CNTNAP2: variants seen among roughly 807,000 people sequenced by gnomAD.
The protein encoded by CNTNAP2 is contactin associated protein 2, also known as contactin-associated protein-like 2.
A neutral mutation model predicts 155.2 loss-of-function variants in CNTNAP2; 98 were observed. The observed-to-expected ratio is 0.63, with a 90% CI of 0.54 to 0.75. The LOEUF (loss-of-function observed/expected upper bound fraction) is 0.75, where lower values mean the gene tolerates loss of function less well. CNTNAP2 is among the 30% of genes least tolerant of loss of function. The probability of loss-of-function intolerance (pLI) is 0.00; values close to 1 mark genes in which losing one functional copy is unlikely to be tolerated. For missense variants in CNTNAP2, 1,727 were observed against 1,688.1 expected, an observed-to-expected ratio of 1.02 and a Z score of -0.40; for synonymous variants, 651 against 631.2, an observed-to-expected ratio of 1.03 and a Z score of -0.47.
intron 8 of CNTNAP2, among the ~76,000 whole-genome samples, chr7:147,143,106 A>G (rs1423207565): frequency 2.0e-5 from 3 of 152,208 alleles, no homozygotes; most frequent in East Asian, 1.9e-4. Flanking sequence ...CTCATGTGTC[A>G]GGAAATAGGT....
In CNTNAP2 at chr7:147,056,293, C is replaced by T. The variant is rs13241041; in HGVS notation, c.550+12239C>T. ...TGCTCTTTTAAACTTGCTGTGTTGG[C>T]TGTATTTGTGTATCATAAATATAAA... On this transcript the variant is annotated intron_variant, in intron 4 of 23. Coordinates refer to ENST00000361727, the MANE Select transcript of CNTNAP2 (RefSeq NM_014141.6). 7.4e-3 allele frequency among the ~76,000 whole-genome samples: 1,121 copies of T among 152,112 alleles called. 12 individuals are homozygous for T. The highest frequency in any genetic ancestry group is 7.4e-3 in the Non-Finnish European group (501 of 68,010).
intron 10 of CNTNAP2, among the ~76,000 whole-genome samples, chr7:147,411,969 A>C (rs1178034821): frequency 6.6e-6 from 1 of 152,192 alleles, no homozygotes; most frequent in African/African-American, 2.4e-5. Context: ...TATTCAAACC[A>C]TATATTTTAT....
At chr7:148,347,773 A>G (rs1295449625) in intron 21 of CNTNAP2, among the ~76,000 whole-genome samples, 3 of 152,228 alleles carry the variant, frequency 2.0e-5, no homozygotes, top group Non-Finnish European at 4.4e-5. Flanking sequence ...AGCACTGGAA[A>G]CAAACATGTC....
intron 1 of CNTNAP2, among the ~76,000 whole-genome samples, chr7:146,524,021 C>T (rs989084099): frequency 1.3e-5 from 2 of 152,056 alleles, no homozygotes; most frequent in African/African-American, 4.8e-5. Flanking sequence ...AGCTAAATTC[C>T]AGATGGGCAT....
intron 12 of CNTNAP2, among the ~76,000 whole-genome samples, chr7:147,629,936 C>A (rs188029524): frequency 5.9e-5 from 9 of 151,286 alleles, no homozygotes; most frequent in South Asian, 4.2e-4. Flanking sequence ...CAAGTACAAA[C>A]AATATGCAAA....
At chr7:146,923,896 A>C (rs184626749) in intron 3 of CNTNAP2, among the ~76,000 whole-genome samples, 9 of 152,108 alleles carry the variant, frequency 5.9e-5, no homozygotes, top group Non-Finnish European at 1.3e-4. Context: ...CCTATCCCAG[A>C]CTTACTGAGT....
chr7:146,807,889 T>C (rs1398859943), intron 2 of CNTNAP2, among the ~76,000 whole-genome samples: 1 of 152,188 alleles, frequency 6.6e-6, no homozygotes, highest in African/African-American at 2.4e-5. Flanking sequence ...AGTAAGAATC[T>C]GTGACTTGAA....
chr7:146,878,526 A>G (rs1795475231), intron 3 of CNTNAP2, among the ~76,000 whole-genome samples: 1 of 151,980 alleles, frequency 6.6e-6, no homozygotes, highest in Non-Finnish European at 1.5e-5. Context: ...AGAAAACCAT[A>G]TCTTTTTAAT....
chr7:146,773,868 T>C (rs923723248), intron 1 of CNTNAP2, among the ~76,000 whole-genome samples: 1 of 152,214 alleles, frequency 6.6e-6, no homozygotes, highest in Non-Finnish European at 1.5e-5. Flanking sequence ...TTGGCTTTGG[T>C]AGGAGTCCTC....
At chr7:147,935,401 AGG>A (rs1800587084) in intron 14 of CNTNAP2, among the ~76,000 whole-genome samples, 1 of 152,234 alleles carries the variant, frequency 6.6e-6, no homozygotes, top group Non-Finnish European at 1.5e-5. Context: ...CTGGGATTAC[AGG>A]CGTGAGCCAC....
chr7:146,166,679 C>T (rs532947737), intron 1 of CNTNAP2, among the ~76,000 whole-genome samples: 24 of 152,250 alleles, frequency 1.6e-4, no homozygotes, highest in African/African-American at 5.8e-4. Flanking sequence ...TTTTAAAAAA[C>T]TTACTATGAA....
At chr7:147,118,528 G>A (rs1200641767) in intron 5 of CNTNAP2, among the ~76,000 whole-genome samples, 1 of 152,148 alleles carries the variant, frequency 6.6e-6, no homozygotes, top group Non-Finnish European at 1.5e-5. Context: ...GCAGTCATGT[G>A]TCACTTTAAA....
intron 1 of CNTNAP2, among the ~76,000 whole-genome samples, chr7:146,302,297 G>A (rs572216668): frequency 2.6e-5 from 4 of 152,116 alleles, no homozygotes; most frequent in East Asian, 1.9e-4. Flanking sequence ...TTAGACAATC[G>A]CAACTTCTGT....
At chr7:146,279,960 C>T (rs997806032) in intron 1 of CNTNAP2, among the ~76,000 whole-genome samples, 8 of 150,952 alleles carry the variant, frequency 5.3e-5, no homozygotes, top group South Asian at 2.1e-4. Flanking sequence ...AATTACTATA[C>T]GTATCATATT....
intron 13 of CNTNAP2, among the ~76,000 whole-genome samples, chr7:147,829,447 C>T (rs1442155284): frequency 3.9e-5 from 6 of 152,290 alleles, no homozygotes; most frequent in Middle Eastern, 6.8e-3. Flanking sequence ...TTAAATGTCA[C>T]GTTTGTCAGT....
chr7:147,709,493 T>G (rs550094055), intron 13 of CNTNAP2, among the ~76,000 whole-genome samples: 9 of 152,224 alleles, frequency 5.9e-5, no homozygotes, highest in Middle Eastern at 3.4e-3. Context: ...AGTCTCAAAT[T>G]TCATGGACGT....
intron 1 of CNTNAP2, among the ~76,000 whole-genome samples, chr7:146,301,555 G>A (rs1362868606): frequency 1.3e-5 from 2 of 152,058 alleles, no homozygotes; most frequent in Non-Finnish European, 2.9e-5. Flanking sequence ...GAACCCGGGA[G>A]GCGGAGCTTG....
chr7:146,614,846 G>A (rs1178062849), intron 1 of CNTNAP2, among the ~76,000 whole-genome samples: 4 of 152,030 alleles, frequency 2.6e-5, no homozygotes, highest in Non-Finnish European at 5.9e-5. Context: ...AGTGAATCGT[G>A]TCATTACCGT....
At chr7:147,677,754 G>A (rs1285410523) in intron 13 of CNTNAP2, among the ~76,000 whole-genome samples, 1 of 151,620 alleles carries the variant, frequency 6.6e-6, no homozygotes, top group Non-Finnish European at 1.5e-5. Flanking sequence ...AGTTTTCCCA[G>A]CACCATATAT....
Sources: allele counts gnomAD v4.1 joint callset (sites outside exome capture counted in the v4.1 genomes callset), GRCh38; gene constraint gnomAD v4.1.1; transcripts MANE v1.5; gene names NCBI Gene and HGNC (gene_info 2026-07-23, HGNC 2026-07-21).